Variants in NRXN3 observed in about 807,000 individuals in gnomAD.
NRXN3 encodes neurexin III.
In NRXN3, 32 loss-of-function variants were observed where a neutral mutation model predicts 137.6. The ratio of observed to expected loss-of-function variants is 0.23; its 90% CI spans 0.18 to 0.31. The LOEUF (loss-of-function observed/expected upper bound fraction) is 0.31, where lower values mean the gene tolerates loss of function less well. Ranked by LOEUF, NRXN3 falls within the 10% of genes least tolerant of loss-of-function variation. NRXN3 has a pLI of 1.00. For synonymous variants in NRXN3, 798 were observed against 784.5 expected (o/e 1.02, Z -0.29); for missense variants, 1,574 against 2,062.5 (o/e 0.76, Z 4.59).
intron 15 of NRXN3, among the ~76,000 whole-genome samples, chr14:79,439,012 A>T (rs2095887892): frequency 6.6e-6 from 1 of 152,262 alleles, no homozygotes; most frequent in South Asian, 2.1e-4. Context: ...TTTGAAGTAA[A>T]TAGAACCACA....
At chr14:79,525,880 C>G (rs1339889642) in intron 16 of NRXN3, among the ~76,000 whole-genome samples, 1 of 152,058 alleles carries the variant, frequency 6.6e-6, no homozygotes, top group Non-Finnish European at 1.5e-5. Flanking sequence ...GAGCTTTCTA[C>G]CTTTTTATTT....
chr14:78,227,690 G>A (rs1013603444), intron 1 of NRXN3, among the ~76,000 whole-genome samples: 5 of 152,182 alleles, frequency 3.3e-5, no homozygotes, highest in Non-Finnish European at 7.3e-5. Flanking sequence ...GTACATCGTG[G>A]TGCTTATAGG....
intron 4 of NRXN3, among the ~76,000 whole-genome samples, chr14:78,608,293 G>T (rs1310498268): frequency 2.0e-5 from 3 of 152,144 alleles, no homozygotes; most frequent in African/African-American, 7.2e-5. Context: ...GAGAATAAGA[G>T]ATGTCAGTTG....
chr14:79,024,879 C>T lies in NRXN3; in HGVS notation c.3262+36738C>T, dbSNP rs754089484. On this transcript the variant is annotated intron_variant, in intron 15 of 20. Coordinates refer to ENST00000335750, the MANE Select transcript of NRXN3 (RefSeq NM_001330195.2). ...GTATTAATATAAGGTATTTGTTGAG[C>T]AATTATTAAATATGTCATCTCTAAC... Among the ~76,000 whole-genome samples, 6 of 151,986 alleles carry T rather than the reference C, an allele frequency of 3.9e-5. 1 individual carries two copies. Among genetic ancestry groups the T allele is most frequent in the Non-Finnish European group, 8.8e-5 (6 of 67,994 alleles).
chr14:78,823,044 G>A (rs373926206), intron 10 of NRXN3, among the ~76,000 whole-genome samples: 17 of 152,214 alleles, frequency 1.1e-4, no homozygotes, highest in African/African-American at 3.4e-4. Flanking sequence ...AACCAGTCTC[G>A]AAGGCATTGT....
chr14:78,197,772 C>T (rs2061355825), intron 1 of NRXN3, among the ~76,000 whole-genome samples: 1 of 152,176 alleles, frequency 6.6e-6, no homozygotes, highest in African/African-American at 2.4e-5. Flanking sequence ...CATTTTCTTC[C>T]AGCTTCCTTC....
At chr14:78,254,797 T>A (rs1043765878) in intron 2 of NRXN3, among the ~76,000 whole-genome samples, 1 of 151,910 alleles carries the variant, frequency 6.6e-6, no homozygotes, top group Non-Finnish European at 1.5e-5. Flanking sequence ...CCAACAGAAA[T>A]AAAGATTTCG....
intron 16 of NRXN3, among the ~76,000 whole-genome samples, chr14:79,593,608 A>G (rs928047429): frequency 1.1e-4 from 16 of 146,018 alleles, no homozygotes; most frequent in African/African-American, 3.9e-4. Flanking sequence ...TCCAGCCTGC[A>G]CTACGGAGCG....
chr14:79,510,977 C>T (rs1397340262), intron 16 of NRXN3, among the ~76,000 whole-genome samples: 3 of 152,184 alleles, frequency 2.0e-5, no homozygotes, highest in African/African-American at 7.2e-5. Context: ...GTGTCTGATG[C>T]ACTCAATCTT....
At chr14:79,665,717 G>A (rs928754022) in intron 17 of NRXN3, among the ~76,000 whole-genome samples, 2 of 152,152 alleles carry the variant, frequency 1.3e-5, no homozygotes, top group Non-Finnish European at 2.9e-5. Flanking sequence ...TGCCAGCAAT[G>A]AGCAGGCTCT....
rs765435267 is a variant in NRXN3, at chr14:79,708,984, A to T, written c.4014+11047A>T. On this transcript the variant is annotated intron_variant, in intron 19 of 20. Coordinates refer to ENST00000335750, the MANE Select transcript of NRXN3 (RefSeq NM_001330195.2). Reference sequence around the variant, plus strand: ...ATCTTATTATGTGTGTGTGTGTGTGAGAGAGAGAGAGAGAGACAGGGAGAG... The same window carrying T: ...ATCTTATTATGTGTGTGTGTGTGTGTGAGAGAGAGAGAGAGACAGGGAGAG... 2.1e-3 allele frequency among the ~76,000 whole-genome samples: 289 copies of T among 139,570 alleles called. 3 individuals carry two copies. The highest frequency in any genetic ancestry group is 7.5e-3 in the Admixed American group (106 of 14,202). The allele number at this position is 139,570 out of a possible 152,430, so 91.6% of individuals were successfully genotyped here.
rs117762738 is a variant in NRXN3 at position 79,297,832 on chromosome 14, G to T, written c.3263-169389G>T. ...GCCATTTCAAATTATTAGTGATCAGGATTAAAACCAGTAACGGAGAGAAAA... is the reference window on the plus strand; with the variant it reads ...GCCATTTCAAATTATTAGTGATCAGTATTAAAACCAGTAACGGAGAGAAAA... On this transcript the variant is annotated intron_variant, in intron 15 of 20. Transcript: ENST00000335750. 7.1e-4 allele frequency among the ~76,000 whole-genome samples: 108 copies of T among 152,156 alleles called. 1 individual carries two copies. The East Asian group carries it at 0.019, about 27-fold the overall frequency.
chr14:78,704,556 A>G (rs1482052045), intron 6 of NRXN3, among the ~76,000 whole-genome samples: 1 of 152,098 alleles, frequency 6.6e-6, no homozygotes, highest in Non-Finnish European at 1.5e-5. Flanking sequence ...GCACATCAAG[A>G]TGGACTTGGG....
chr14:79,383,903 T>A (rs1388884598), intron 15 of NRXN3, among the ~76,000 whole-genome samples: 1 of 152,222 alleles, frequency 6.6e-6, no homozygotes, highest in Admixed American at 6.5e-5. Context: ...CTCCCTTTCC[T>A]TTATAATGTA....
intron 4 of NRXN3, among the ~76,000 whole-genome samples, chr14:78,570,699 T>C (rs978113174): frequency 6.6e-6 from 1 of 152,226 alleles, no homozygotes; most frequent in Non-Finnish European, 1.5e-5. Context: ...CAGAGGTGAA[T>C]GTCCCTTGCT....
At chr14:78,879,075 T>C (rs994812666) in intron 10 of NRXN3, among the ~76,000 whole-genome samples, 1 of 152,202 alleles carries the variant, frequency 6.6e-6, no homozygotes, top group Non-Finnish European at 1.5e-5. Context: ...TGTGTACATA[T>C]ACCATGTTTT....
At chr14:78,824,430 C>T (rs1363672675) in intron 10 of NRXN3, among the ~76,000 whole-genome samples, 1 of 152,150 alleles carries the variant, frequency 6.6e-6, no homozygotes, top group Non-Finnish European at 1.5e-5. Context: ...TGTATCTTCA[C>T]CATCTAGCAC....
chr14:79,029,102 AAAG>A (rs1350967262), intron 15 of NRXN3, among the ~76,000 whole-genome samples: 5 of 152,046 alleles, frequency 3.3e-5, no homozygotes, highest in Admixed American at 2.0e-4. Context: ...GAGAGAATGA[AAAG>A]AAGGGGGTTG....
intron 19 of NRXN3, among the ~76,000 whole-genome samples, chr14:79,716,644 T>C (rs1284961599): frequency 1.3e-5 from 2 of 152,050 alleles, no homozygotes; most frequent in South Asian, 2.1e-4. Context: ...GCCCCTCTGT[T>C]TAATTTTGTA....
Sources: gnomAD v4.1 joint callset for allele counts (sites outside exome capture counted in the v4.1 genomes callset) on GRCh38, gnomAD v4.1.1 for gene constraint, MANE v1.5 for transcripts, NCBI Gene and HGNC (gene_info 2026-07-23, HGNC 2026-07-21) for gene names.